Variants in TNFAIP1 observed in about 807,000 individuals in gnomAD.
TNFAIP1 encodes TNF alpha induced protein 1, also known as BTB/POZ domain-containing adapter for CUL3-mediated RhoA degradation protein 2.
TNFAIP1 carries 20 observed loss-of-function variants against 32.6 expected under a neutral mutation model. The ratio of observed to expected loss-of-function variants is 0.61; its 90% CI spans 0.43 to 0.89. TNFAIP1 has a LOEUF of 0.89. Among genes scored for constraint, TNFAIP1 ranks in the 40% least tolerant of loss-of-function variants. The pLI is 0.00. For synonymous variants in TNFAIP1, 166 were observed against 166.8 expected (o/e 1.00, Z 0.04); for missense variants, 319 against 425.1 (o/e 0.75, Z 2.20).
chr17:28,341,531 C>G, intron 5 of TNFAIP1, 75 bp downstream of exon 5: 2 of 1,550,372 alleles, frequency 1.3e-6, no homozygotes, highest in Non-Finnish European at 1.8e-6. Context: ...CCAGCACGGT[C>G]GGCGTGGGTC....
At position 28,342,205 on chromosome 17, in the gene TNFAIP1, G is replaced by A. The variant is rs1162604868; in HGVS notation, c.519-42G>A. 2.8e-6 allele frequency: 4 copies of A among 1,425,912 alleles called. No homozygotes were observed. The highest frequency in any genetic ancestry group is 4.5e-5 in the African/African-American group (2 of 44,480). 88.3% of individuals were successfully genotyped at this position (1,425,912 alleles called of 1,614,324 possible). ...CTTGTCTAGCACCCTCCCTTGGACT[G>A]GAACCTCACTCCCAGCCGCTTGGCC... On this transcript the variant is annotated intron_variant, in intron 5 of 6. Transcript: ENST00000226225. This position sits in a 1 kb window ranked among gnomAD's most constrained non-coding sequence, Gnocchi z 4.0.
intron 6 of TNFAIP1, among the ~76,000 whole-genome samples, chr17:28,343,606 C>T (rs1267987222): frequency 6.6e-6 from 1 of 151,974 alleles, no homozygotes; most frequent in Non-Finnish European, 1.5e-5. Context: ...GGGCAGGTCT[C>T]CAGTGGCTGG....
intron 1 of TNFAIP1, 73 bp from the exon 2 acceptor site, chr17:28,339,335 C>T (rs569205267): frequency 6.5e-4 from 323 of 500,242 alleles, no homozygotes; most frequent in Admixed American, 3.8e-3. Flanking sequence ...TGAGTACGGT[C>T]GTGTTTCTGC....
intron 1 of TNFAIP1, among the ~76,000 whole-genome samples, chr17:28,337,437 C>T (rs1348355374): frequency 6.6e-6 from 1 of 152,128 alleles, no homozygotes; most frequent in Non-Finnish European, 1.5e-5. Flanking sequence ...TGAGATTTCC[C>T]TATGTCACCC....
Position 28,344,495 on chromosome 17 carries a change from T to G in TNFAIP1, c.846T>G (p.Asp282Glu), listed in dbSNP as rs782495085. The G allele has an allele frequency of 1.9e-6, 3 of 1,614,034 alleles. No individual in the cohort carries two copies. The South Asian group carries it at 3.3e-5, about 18-fold the overall frequency. ...GCAGCCAGGCTTCCCCCAGTGAAGA[T>G]GAGGAGACCTTTGAACTGCGGGACC... ...RSRSQASPSE[D>E]EETFELRDRV... Residue 282 changes from aspartate to glutamate, a missense_variant, in exon 7 of 7, where the codon GAT becomes GAG. By Grantham distance (45) the Asp-to-Glu change is conservative. Coordinates refer to ENST00000226225, the MANE Select transcript of TNFAIP1 (RefSeq NM_021137.5).
In TNFAIP1 at chr17:28,345,135, A is replaced by G. The variant is rs1184237437; in HGVS notation, c.*535A>G. On this transcript the variant is annotated 3_prime_UTR_variant, in exon 7 of 7. Coordinates refer to ENST00000226225, the MANE Select transcript of TNFAIP1 (RefSeq NM_021137.5). ...CCTCCAGGGTGCCAAGACCCTACATATGACAGAACCCTTGGCCCTTCTCCA... is the reference window on the plus strand; with the variant it reads ...CCTCCAGGGTGCCAAGACCCTACATGTGACAGAACCCTTGGCCCTTCTCCA... The G allele has an allele frequency of 6.1e-6, 1 of 164,568 alleles. No homozygotes were observed. Among genetic ancestry groups the G allele is most frequent in the Non-Finnish European group, 1.4e-5 (1 of 73,866 alleles). The allele number at this position is 164,568 out of a possible 1,614,324, so 10.2% of individuals were successfully genotyped here. A position where few individuals can be genotyped will look rare whatever the true frequency, so the allele number is the denominator to read the frequency against.
rs1907381843 is a variant in TNFAIP1, at chr17:28,342,109, C to G, written c.519-138C>G. On this transcript the variant is annotated intron_variant, in intron 5 of 6. Coordinates refer to ENST00000226225, the MANE Select transcript of TNFAIP1 (RefSeq NM_021137.5). The surrounding 1 kb of genome is among the most constrained non-coding windows in gnomAD (Gnocchi z 4.0). ...GAGGGTACCCTATGATCCTTTCTCT[C>G]CTGGCCCCCTGGCATCTTGCTTTCA... 6 of 768,768 alleles carry G rather than the reference C, an allele frequency of 7.8e-6. No individual in the cohort carries two copies. Among genetic ancestry groups the G allele is most frequent in the Non-Finnish European group, 1.0e-5 (5 of 502,480 alleles). The allele number at this position is 768,768 out of a possible 1,614,324, so 47.6% of individuals were successfully genotyped here.
At chr17:28,343,267 C>G (rs782462567) in intron 6 of TNFAIP1, among the ~76,000 whole-genome samples, 26 of 152,174 alleles carry the variant, frequency 1.7e-4, no homozygotes, top group African/African-American at 2.7e-4. Flanking sequence ...TCATCACAAA[C>G]TCAGGTGGCC....
rs993462411 is a variant in TNFAIP1 at position 28,340,169 on chromosome 17, C to T, written c.206-140C>T. On this transcript the variant is annotated intron_variant, in intron 2 of 6. Coordinates refer to ENST00000226225, the MANE Select transcript of TNFAIP1 (RefSeq NM_021137.5). The surrounding 1 kb of genome is among the most constrained non-coding windows in gnomAD (Gnocchi z 4.1). ...GCCTGAGTGCTAGAACCTCCATCCC[C>T]GCCTCTGTCACCCTGCGTAAGGGCT... is the stretch of plus-strand genomic sequence containing the variant. 1.3e-4 allele frequency: 111 copies of T among 835,712 alleles called. No homozygotes were observed. Among genetic ancestry groups the T allele is most frequent in the East Asian group, 5.7e-4 (22 of 38,414 alleles). 51.8% of individuals were successfully genotyped at this position (835,712 alleles called of 1,614,324 possible). A position where few individuals can be genotyped will look rare whatever the true frequency, so the allele number is the denominator to read the frequency against.
intron 1 of TNFAIP1, among the ~76,000 whole-genome samples, chr17:28,338,704 C>T (rs575146006): frequency 2.0e-4 from 31 of 152,006 alleles, no homozygotes; most frequent in Non-Finnish European, 3.4e-4. Context: ...TGGCTGGATT[C>T]CCAGTAGGTT....
rs1212682579 is a variant in TNFAIP1, at chr17:28,345,957, G to A, written c.*1357G>A. ...CTGAATTATTTTCCAAAGGAATGCT[G>A]TCAGGGAGGGACTGTTCTGCCAGCC... On this transcript the variant is annotated 3_prime_UTR_variant, in exon 7 of 7. Coordinates refer to ENST00000226225, the MANE Select transcript of TNFAIP1 (RefSeq NM_021137.5). 2 of 152,196 alleles carry A rather than the reference G, an allele frequency of 1.3e-5. No individual in the cohort carries two copies. The highest frequency in any genetic ancestry group is 3.8e-4 in the East Asian group (2 of 5,202). 9.4% of individuals were successfully genotyped at this position (152,196 alleles called of 1,614,324 possible). A position where few individuals can be genotyped will look rare whatever the true frequency, so the allele number is the denominator to read the frequency against.
At chr17:28,343,005 T>A (rs1324445907) in intron 6 of TNFAIP1, among the ~76,000 whole-genome samples, 3 of 151,946 alleles carry the variant, frequency 2.0e-5, no homozygotes, top group Admixed American at 2.0e-4. Flanking sequence ...TGAAACCCCG[T>A]CTTTACAAAA....
chr17:28,339,829 G>A (rs899201783), intron 2 of TNFAIP1, 103 bp downstream of exon 2: 3 of 1,271,710 alleles, frequency 2.4e-6, no homozygotes, highest in Non-Finnish European at 3.3e-6. Context: ...ACTTTATGTA[G>A]GGTGTCTTCA....
chr17:28,344,700 C>G lies in TNFAIP1; in HGVS notation c.*100C>G, dbSNP rs559652770. On this transcript the variant is annotated 3_prime_UTR_variant, in exon 7 of 7. Coordinates refer to ENST00000226225, the MANE Select transcript of TNFAIP1 (RefSeq NM_021137.5). ...TGCTGCTGCTGCCTGGGTCTCTGCT[C>G]TAGCACCCAGAGGCATGACAGGCCC... The G allele has an allele frequency of 4.8e-6, 6 of 1,243,454 alleles. No homozygotes were observed. Among genetic ancestry groups the G allele is most frequent in the Non-Finnish European group, 5.7e-6 (5 of 874,376 alleles). The allele number at this position is 1,243,454 out of a possible 1,614,324, so 77.0% of individuals were successfully genotyped here.
rs1362746858 is a variant in TNFAIP1, at chr17:28,344,844, G to A, written c.*244G>A. The A allele has an allele frequency of 1.8e-6, 1 of 554,528 alleles. No homozygotes were observed. Among genetic ancestry groups the A allele is most frequent in the Non-Finnish European group, 3.3e-6 (1 of 307,392 alleles). The allele number at this position is 554,528 out of a possible 1,614,324, so 34.4% of individuals were successfully genotyped here. A position where few individuals can be genotyped will look rare whatever the true frequency, so the allele number is the denominator to read the frequency against. On this transcript the variant is annotated 3_prime_UTR_variant, in exon 7 of 7. Transcript: ENST00000226225. Reference sequence around the variant, plus strand: ...TCACCATCACCCTTCCTGCCCGACGGAGCTGCTTCTGCTCCCTGGGGCATA... The same window carrying A: ...TCACCATCACCCTTCCTGCCCGACGAAGCTGCTTCTGCTCCCTGGGGCATA...
chr17:28,342,259 C>T lies in TNFAIP1; in HGVS notation c.531C>T (p.Asp177=), dbSNP rs1329394446. ...NKYSYTSNSD[D]HLLKNIELFD... Reference sequence around the variant, plus strand: ...ATGTTTTTTTCAGCAACTCTGACGACCACCTGCTGAAAAACATCGAGCTGT... The same window carrying T: ...ATGTTTTTTTCAGCAACTCTGACGATCACCTGCTGAAAAACATCGAGCTGT... The change falls in exon 6 of 7, where the codon GAC becomes GAT. Residue 177 remains aspartate (D), a synonymous_variant. Transcript: ENST00000226225. This position sits in a 1 kb window ranked among gnomAD's most constrained non-coding sequence, Gnocchi z 4.0. 2.5e-6 allele frequency: 4 copies of T among 1,581,706 alleles called. No homozygotes were observed. The highest frequency in any genetic ancestry group is 3.5e-6 in the Non-Finnish European group (4 of 1,153,344).
Position 28,340,195 on chromosome 17 carries a change from T to G in TNFAIP1, c.206-114T>G. The G allele has an allele frequency of 9.1e-7, 1 of 1,094,968 alleles. No homozygotes were observed. Among genetic ancestry groups the G allele is most frequent in the Non-Finnish European group, 1.4e-6 (1 of 738,630 alleles). 67.8% of individuals were successfully genotyped at this position (1,094,968 alleles called of 1,614,324 possible). On this transcript the variant is annotated intron_variant, in intron 2 of 6. Coordinates refer to ENST00000226225, the MANE Select transcript of TNFAIP1 (RefSeq NM_021137.5). The surrounding 1 kb of genome is among the most constrained non-coding windows in gnomAD (Gnocchi z 4.1). The stretch of plus-strand genomic sequence containing the variant: ...GCCTCTGTCACCCTGCGTAAGGGCT[T>G]TGTGCTCGTGGACCCCCTTCCCTGC...
rs781983165 is a variant in TNFAIP1 at position 28,344,339 on chromosome 17, C to T, written c.715-25C>T. The T allele has an allele frequency of 2.5e-6, 4 of 1,599,700 alleles. No individual in the cohort carries two copies. In the African/African-American group the frequency reaches 5.4e-5, roughly 21 times the overall value. ...TTCCTCTTGAAGATGAAACCTTGCT[C>T]CACCTTCTTCCTCCCTAACCCCAGG... On this transcript the variant is annotated intron_variant, in intron 6 of 6. Transcript: ENST00000226225.
In TNFAIP1 at chr17:28,339,626, C is replaced by G; in HGVS notation, c.105C>G (p.Gly35=). Residue 35 remains glycine (G), a synonymous_variant, in exon 2 of 7, where the codon GGC becomes GGG. Transcript: ENST00000226225. The part of the protein sequence containing the change: ...LGNKYVQLNV[G]GSLYYTTVRA... ...ACAAGTATGTCCAGCTCAACGTGGG[C>G]GGCTCTCTGTACTACACCACTGTGC... 6.2e-7 allele frequency: 1 copy of G among 1,613,880 alleles called. No individual in the cohort carries two copies. Among genetic ancestry groups the G allele is most frequent in the Non-Finnish European group, 8.5e-7 (1 of 1,179,984 alleles).
Sources: gnomAD v4.1 joint callset for allele counts (sites outside exome capture counted in the v4.1 genomes callset) on GRCh38, gnomAD v4.1.1 for gene constraint, Gnocchi (gnomAD v3.1) non-coding constraint, MANE v1.5 for transcripts, NCBI Gene and HGNC (gene_info 2026-07-23, HGNC 2026-07-21) for gene names.